The following ADAP1 variants were observed in gnomAD, a reference collection of about 807,000 sequenced individuals.
ADAP1 encodes arf-GAP with dual PH domain-containing protein 1.
In ADAP1, 31 loss-of-function variants were observed where a neutral mutation model predicts 54.9. The ratio of observed to expected loss-of-function variants is 0.56; its 90% CI spans 0.42 to 0.76. ADAP1 has a LOEUF of 0.76. ADAP1 is among the 30% of genes least tolerant of loss of function. The probability of loss-of-function intolerance (pLI) is 0.00; values close to 1 mark genes in which losing one functional copy is unlikely to be tolerated. For synonymous variants in ADAP1, 313 were observed against 202.6 expected (o/e 1.55, Z -4.63); for missense variants, 535 against 512.4 (o/e 1.04, Z -0.42).
chr7:916,644 T>G (rs1845944313), intron 4 of ADAP1, among the ~76,000 whole-genome samples: 1 of 152,152 alleles, frequency 6.6e-6, no homozygotes, highest in Admixed American at 6.5e-5. Flanking sequence ...CCTGACCGTT[T>G]CTTGCTCTCT....
intron 6 of ADAP1, among the ~76,000 whole-genome samples, chr7:901,840 G>A (rs977292849): frequency 8.3e-6 from 1 of 120,086 alleles, no homozygotes; most frequent in Non-Finnish European, 1.6e-5. Flanking sequence ...AGCTGAACCC[G>A]TCCACACCAC....
chr7:904,506 A>C (rs1388214102), intron 5 of ADAP1, among the ~76,000 whole-genome samples: 1 of 152,066 alleles, frequency 6.6e-6, no homozygotes, highest in African/African-American at 2.4e-5. Context: ...ACTTGACATC[A>C]GACACTGCAC....
At chr7:904,500 G>C (rs1292547844) in intron 5 of ADAP1, among the ~76,000 whole-genome samples, 2 of 152,172 alleles carry the variant, frequency 1.3e-5, no homozygotes, top group Admixed American at 6.5e-5. Flanking sequence ...GGTGGCACTT[G>C]ACATCAGACA....
At chr7:953,485 C>A (rs1273641185) in intron 1 of ADAP1, among the ~76,000 whole-genome samples, 1 of 152,222 alleles carries the variant, frequency 6.6e-6, no homozygotes, top group African/African-American at 2.4e-5. Flanking sequence ...TTCCCCCGCT[C>A]CCTCCCTGGG....
chr7:927,243 G>T, intron 2 of ADAP1: 3 of 1,255,732 alleles, frequency 2.4e-6, no homozygotes, highest in Non-Finnish European at 3.1e-6. Context: ...GGGAGGTGCT[G>T]CAGGAGGCTG....
chr7:920,229 C>T lies in ADAP1; in HGVS notation c.306-179G>A, dbSNP rs1487622832. ...TGCAGGGTCAGCCTCCTGCCCGGGA[C>T]GCTTCTCACTCTGATATTAGTTTAT... On this transcript the variant is annotated intron_variant, in intron 3 of 10. Transcript: ENST00000265846. The surrounding 1 kb of genome is among the most constrained non-coding windows in gnomAD (Gnocchi z 4.5). 3.9e-5 allele frequency among the ~76,000 whole-genome samples: 6 copies of T among 152,144 alleles called. No individual in the cohort carries two copies. Among genetic ancestry groups the T allele is most frequent in the Non-Finnish European group, 8.8e-5 (6 of 68,006 alleles).
At chr7:906,351 A>AG (rs1818631400) in intron 4 of ADAP1, among the ~76,000 whole-genome samples, 2 of 21,334 alleles carry the variant, frequency 9.4e-5, no homozygotes, top group Admixed American at 4.1e-4. Context: ...AGAAAGGGAA[A>AG]GGAGAAAGGG....
Position 935,368 on chromosome 7 carries a change from T to C in ADAP1, c.213+7A>G, listed in dbSNP as rs755329303. ...GCGCGGGTCCCCCCGCCCCTCCCCC[T>C]CCGTACCTCCACTTGGGCCTCCTCC... On this transcript the variant is annotated splice_region_variant and intron_variant, in intron 2 of 10. Transcript: ENST00000265846. 1 of 1,308,556 alleles carries C rather than the reference T, an allele frequency of 7.6e-7. No homozygotes were observed. The highest frequency in any genetic ancestry group is 2.9e-5 in the East Asian group (1 of 34,668). The allele number at this position is 1,308,556 out of a possible 1,614,324, so 81.1% of individuals were successfully genotyped here.
chr7:929,110 G>A (rs1054348631), intron 2 of ADAP1, among the ~76,000 whole-genome samples: 1 of 151,798 alleles, frequency 6.6e-6, no homozygotes, highest in Non-Finnish European at 1.5e-5. Context: ...TGGGCAACAC[G>A]GTGAGACCCC....
chr7:932,049 GGGGCCGGGGTGCA>G (rs1477745092), intron 2 of ADAP1, among the ~76,000 whole-genome samples: 2 of 152,216 alleles, frequency 1.3e-5, no homozygotes, highest in Non-Finnish European at 2.9e-5. Context: ...GCCCTGCCTG[GGGGCCGGGGTGCA>G]GGTGCTCTCA....
At position 920,677 on chromosome 7, in the gene ADAP1, G is replaced by A; in HGVS notation, c.306-627C>T. 2.2e-6 allele frequency: 2 copies of A among 898,842 alleles called. No individual in the cohort carries two copies. The highest frequency in any genetic ancestry group is 3.4e-5 in the South Asian group (2 of 58,456). The allele number at this position is 898,842 out of a possible 1,614,324, so 55.7% of individuals were successfully genotyped here. On this transcript the variant is annotated intron_variant, in intron 3 of 10. Coordinates refer to ENST00000265846, the MANE Select transcript of ADAP1 (RefSeq NM_006869.4). This position sits in a 1 kb window ranked among gnomAD's most constrained non-coding sequence, Gnocchi z 4.5. ...CCAGGAAGACCCGGGATGAGGAGAA[G>A]CCCCCGAGAGTAAAGCCCGGGACGA...
At chr7:902,074 C>G (rs1350746949) in intron 6 of ADAP1, among the ~76,000 whole-genome samples, 2 of 152,034 alleles carry the variant, frequency 1.3e-5, no homozygotes, top group Non-Finnish European at 2.9e-5. Context: ...GGGGGCCAAG[C>G]GTCTGCCCTG....
chr7:901,710 C>G (rs926047902), intron 6 of ADAP1, among the ~76,000 whole-genome samples: 11 of 151,532 alleles, frequency 7.3e-5, no homozygotes, highest in African/African-American at 2.7e-4. Context: ...AGGCCACGCC[C>G]ACAAGCCACA....
At chr7:904,395 A>G (rs925203745) in intron 5 of ADAP1, 123 bp from the exon 6 acceptor site, 4 of 1,288,832 alleles carry the variant, frequency 3.1e-6, no homozygotes, top group Admixed American at 5.4e-5. Flanking sequence ...TGGGCAAGTT[A>G]CTTAAGCGCT....
rs1008681450 is a variant in ADAP1 at position 900,476 on chromosome 7, AC to A, written c.732+56del. ...GACTCAGGGCACGAGGGCTCCGTCC[AC>A]CCCCCACCCCACCACCCCTGTCTGC... On this transcript the variant is annotated intron_variant, in intron 7 of 10. Coordinates refer to ENST00000265846, the MANE Select transcript of ADAP1 (RefSeq NM_006869.4). 128 of 1,065,154 alleles carry A rather than the reference AC, an allele frequency of 1.2e-4. 1 individual carries two copies. Among genetic ancestry groups the A allele is most frequent in the Non-Finnish European group, 1.6e-4 (118 of 719,582 alleles). The allele number at this position is 1,065,154 out of a possible 1,614,324, so 66.0% of individuals were successfully genotyped here. A position where few individuals can be genotyped will look rare whatever the true frequency, so the allele number is the denominator to read the frequency against.
chr7:935,132 G>C, intron 2 of ADAP1: 1 of 658,610 alleles, frequency 1.5e-6, no homozygotes, highest in Non-Finnish European at 2.8e-6. Context: ...TCGCTCCCTG[G>C]CCCACCACAC....
rs1583109470 is a variant in ADAP1, at chr7:898,685, T to C, written c.*236A>G. On this transcript the variant is annotated 3_prime_UTR_variant, in exon 11 of 11. Transcript: ENST00000265846. ...GTCAGGGAGGGGCAGGTTGGCTGGG[T>C]GTGGTCAGCAGCAGCATGACGGGGT... is the stretch of plus-strand genomic sequence containing the variant. 1.7e-6 allele frequency: 1 copy of C among 582,500 alleles called. No individual in the cohort carries two copies. The highest frequency in any genetic ancestry group is 3.0e-6 in the Non-Finnish European group (1 of 329,058). The allele number at this position is 582,500 out of a possible 1,614,324, so 36.1% of individuals were successfully genotyped here.
Position 945,380 on chromosome 7 carries a change from G to C in ADAP1, c.82+9016C>G, listed in dbSNP as rs571110045. Among the ~76,000 whole-genome samples, 1 of 152,338 alleles carries C rather than the reference G, an allele frequency of 6.6e-6. No individual in the cohort carries two copies. The highest frequency in any genetic ancestry group is 1.9e-4 in the East Asian group (1 of 5,180). The stretch of plus-strand genomic sequence containing the variant: ...GCAGGAGAGCCTCTCCCTAAGCCTG[G>C]GCTGCACTCCAGCTGCCCCCTCCAC... On this transcript the variant is annotated intron_variant, in intron 1 of 10. Transcript: ENST00000265846. This position sits in a 1 kb window ranked among gnomAD's most constrained non-coding sequence, Gnocchi z 4.2.
intron 4 of ADAP1, among the ~76,000 whole-genome samples, chr7:911,286 G>A (rs971716891): frequency 4.6e-5 from 7 of 152,084 alleles, no homozygotes; most frequent in South Asian, 2.1e-4. Flanking sequence ...CCCGGCCCCC[G>A]ACAGGCCTGG....
Sources: allele counts gnomAD v4.1 joint callset (sites outside exome capture counted in the v4.1 genomes callset), GRCh38; gene constraint gnomAD v4.1.1; non-coding constraint Gnocchi (gnomAD v3.1); transcripts MANE v1.5; gene names NCBI Gene and HGNC (gene_info 2026-07-23, HGNC 2026-07-21).